THEMIS: variants seen among roughly 807,000 people sequenced by gnomAD.
THEMIS encodes the protein thymocyte selection associated, also known as protein THEMIS.
A neutral mutation model predicts 52.6 loss-of-function variants in THEMIS; 37 were observed. The observed-to-expected ratio is 0.70, with a 90% CI of 0.54 to 0.93. The LOEUF is 0.93. THEMIS is among the 40% of genes least tolerant of loss of function. The pLI is 0.00. For synonymous variants in THEMIS, 292 were observed against 272.7 expected, an observed-to-expected ratio of 1.07 and a Z score of -0.70; for missense variants, 808 against 763.1, an observed-to-expected ratio of 1.06 and a Z score of -0.69.
intron 4 of THEMIS, among the ~76,000 whole-genome samples, chr6:127,793,332 G>T (rs981512134): frequency 6.6e-6 from 1 of 152,192 alleles, no homozygotes; most frequent in Non-Finnish European, 1.5e-5. Context: ...ACCTCCATGT[G>T]CATATCTGAT....
intron 3 of THEMIS, among the ~76,000 whole-genome samples, chr6:127,815,779 G>A (rs1263402032): frequency 6.6e-6 from 1 of 152,082 alleles, no homozygotes; most frequent in African/African-American, 2.4e-5. Flanking sequence ...CTCTAGATAG[G>A]CTCATGCTAT....
At chr6:127,723,878 C>A (rs1190280414) in intron 4 of THEMIS, among the ~76,000 whole-genome samples, 1 of 152,000 alleles carries the variant, frequency 6.6e-6, no homozygotes, top group African/African-American at 2.4e-5. Flanking sequence ...TAATGTCTAT[C>A]TCCCTGGCTA....
chr6:127,829,405 C>A (rs1778616533), intron 3 of THEMIS, 71 bp downstream of exon 3: 3 of 1,252,428 alleles, frequency 2.4e-6, no homozygotes, highest in South Asian at 3.0e-5. Flanking sequence ...ATTCTTCAGG[C>A]TCTAAAATCT....
chr6:127,899,708 C>T (rs1191625280), intron 1 of THEMIS, among the ~76,000 whole-genome samples: 1 of 151,284 alleles, frequency 6.6e-6, no homozygotes, highest in Non-Finnish European at 1.5e-5. Flanking sequence ...TTACGTAAAG[C>T]CTAAAAAACA....
intron 4 of THEMIS, among the ~76,000 whole-genome samples, chr6:127,798,032 C>A (rs574791764): frequency 6.6e-6 from 1 of 152,200 alleles, no homozygotes; most frequent in Non-Finnish European, 1.5e-5. Flanking sequence ...TGTGTACATA[C>A]GCATATGTGT....
At chr6:127,862,406 G>A (rs1779832078) in intron 1 of THEMIS, among the ~76,000 whole-genome samples, 1 of 137,080 alleles carries the variant, frequency 7.3e-6, no homozygotes, top group African/African-American at 2.6e-5. Context: ...GCCATAAGCA[G>A]GTGAAATCTC....
chr6:127,746,678 T>C (rs1483196701), intron 4 of THEMIS, among the ~76,000 whole-genome samples: 1 of 128,400 alleles, frequency 7.8e-6, no homozygotes, highest in Non-Finnish European at 1.6e-5. Flanking sequence ...TATAGATTTG[T>C]TATACATATA....
intron 2 of THEMIS, among the ~76,000 whole-genome samples, chr6:127,846,016 CTGAG>C (rs1168239159): frequency 1.3e-5 from 2 of 151,896 alleles, no homozygotes; most frequent in East Asian, 1.9e-4. Context: ...AATTACCTGA[CTGAG>C]TGTTGACAGA....
chr6:127,852,688 G>C (rs533259344), intron 2 of THEMIS, among the ~76,000 whole-genome samples: 1 of 151,626 alleles, frequency 6.6e-6, no homozygotes, highest in East Asian at 1.9e-4. Context: ...AAGAGATGCT[G>C]CTATTAAAAT....
intron 4 of THEMIS, among the ~76,000 whole-genome samples, chr6:127,745,277 A>T (rs962270580): frequency 1.6e-4 from 25 of 151,996 alleles, no homozygotes; most frequent in South Asian, 4.1e-4. Flanking sequence ...TGCCTAAGCA[A>T]TTAATCTTAA....
At chr6:127,798,328 CTAAG>C (rs749733489) in intron 4 of THEMIS, among the ~76,000 whole-genome samples, 4 of 152,014 alleles carry the variant, frequency 2.6e-5, no homozygotes, top group Admixed American at 1.3e-4. Context: ...CTGAAAATGA[CTAAG>C]TAGTTAAGAA....
chr6:127,899,868 T>G (rs1013329678), intron 1 of THEMIS, among the ~76,000 whole-genome samples: 1 of 147,446 alleles, frequency 6.8e-6, no homozygotes, highest in African/African-American at 2.5e-5. Flanking sequence ...ACAGCCCATA[T>G]CAATTCATCA....
At chr6:127,737,837 C>T (rs376771420) in intron 4 of THEMIS, among the ~76,000 whole-genome samples, 1 of 152,132 alleles carries the variant, frequency 6.6e-6, no homozygotes, top group Non-Finnish European at 1.5e-5. Context: ...CAAATTCATA[C>T]CCCTGACATG....
chr6:127,882,353 A>G (rs946833664), intron 1 of THEMIS, among the ~76,000 whole-genome samples: 9 of 151,918 alleles, frequency 5.9e-5, no homozygotes, highest in African/African-American at 2.2e-4. Flanking sequence ...TCTGACAGTC[A>G]TTTTAGTGCC....
chr6:127,740,866 A>C (rs997402491), intron 4 of THEMIS, among the ~76,000 whole-genome samples: 3 of 152,186 alleles, frequency 2.0e-5, no homozygotes, highest in Non-Finnish European at 4.4e-5. Flanking sequence ...TATATTTTTT[A>C]TATTACCAGT....
intron 4 of THEMIS, among the ~76,000 whole-genome samples, chr6:127,724,079 A>G (rs973995306): frequency 2.0e-5 from 3 of 152,104 alleles, no homozygotes; most frequent in African/African-American, 7.2e-5. Flanking sequence ...ATATAGTCAC[A>G]CTCACATGCA....
At chr6:127,895,832 A>T (rs1199804881) in intron 1 of THEMIS, among the ~76,000 whole-genome samples, 1 of 151,488 alleles carries the variant, frequency 6.6e-6, no homozygotes, top group African/African-American at 2.4e-5. Context: ...TCTTTAGGAA[A>T]ATAACAAAAG....
intron 4 of THEMIS, among the ~76,000 whole-genome samples, chr6:127,736,578 T>C (rs1775013615): frequency 6.6e-6 from 1 of 152,140 alleles, no homozygotes. Flanking sequence ...TTTGCCAAGG[T>C]GACACCCAGC....
chr6:127,768,250 T>C (rs1776264520), intron 4 of THEMIS, among the ~76,000 whole-genome samples: 1 of 152,212 alleles, frequency 6.6e-6, no homozygotes, highest in Non-Finnish European at 1.5e-5. Flanking sequence ...AAATAAATGT[T>C]AACTAACCTT....
Sources: gnomAD v4.1 joint callset for allele counts (sites outside exome capture counted in the v4.1 genomes callset) on GRCh38, gnomAD v4.1.1 for gene constraint, MANE v1.5 for transcripts, NCBI Gene and HGNC (gene_info 2026-07-23, HGNC 2026-07-21) for gene names.